The following ZFP69 variants were observed in gnomAD, a reference collection of about 807,000 sequenced individuals.
The protein encoded by ZFP69 is ZFP69 zinc finger protein, also known as zinc finger protein 69 homolog.
Under a neutral mutation model 48.9 loss-of-function variants are expected in ZFP69, and 35 were observed. The observed-to-expected ratio is 0.72, with a 90% CI of 0.55 to 0.95. The LOEUF (loss-of-function observed/expected upper bound fraction) is 0.95. ZFP69 is among the 40% of genes least tolerant of loss of function. The pLI, the probability that ZFP69 is intolerant of heterozygous loss-of-function variation, is 0.00. For synonymous variants in ZFP69, 193 were observed against 216.8 expected, an observed-to-expected ratio of 0.89 and a Z score of 0.96; for missense variants, 557 against 638.4, an observed-to-expected ratio of 0.87 and a Z score of 1.37.
chr1:40,479,300 C>T lies in ZFP69; in HGVS notation c.-62C>T. The T allele has an allele frequency of 1.2e-6, 2 of 1,606,786 alleles. No homozygotes were observed. Among genetic ancestry groups the T allele is most frequent in the South Asian group, 2.2e-5 (2 of 90,800 alleles). On this transcript the variant is annotated 5_prime_UTR_variant, in exon 2 of 6. Transcript: ENST00000372706. The stretch of plus-strand genomic sequence containing the variant: ...GCAACACCCCACAACTGTGAAGCGT[C>T]TCATCAAGAGCTTCTGGCAATTTCC...
At chr1:40,480,047 C>T (rs141291401) in intron 2 of ZFP69, among the ~76,000 whole-genome samples, 62 of 152,244 alleles carry the variant, frequency 4.1e-4, no homozygotes, top group African/African-American at 1.3e-3. Flanking sequence ...TGTTTTAATT[C>T]ATACCTTTAA....
At chr1:40,478,711 T>C (rs1645414154) in intron 1 of ZFP69, among the ~76,000 whole-genome samples, 1 of 152,190 alleles carries the variant, frequency 6.6e-6, no homozygotes, top group Admixed American at 6.5e-5. Flanking sequence ...AATACAATTA[T>C]TATCTCCATT....
chr1:40,494,718 A>G (rs1393844062), intron 5 of ZFP69, among the ~76,000 whole-genome samples: 1 of 133,104 alleles, frequency 7.5e-6, no homozygotes, highest in Non-Finnish European at 1.6e-5. Flanking sequence ...ATATAAATAT[A>G]TATCAAATAT....
At position 40,495,028 on chromosome 1, in the gene ZFP69, A is replaced by G; in HGVS notation, c.550A>G (p.Ile184Val). Residue 184 changes from isoleucine (I) to valine (V), a missense_variant, in exon 6 of 6, where the codon ATT (isoleucine) becomes GTT (valine). Coordinates refer to ENST00000372706, the MANE Select transcript of ZFP69 (RefSeq NM_001320179.2). Reference sequence around the variant, plus strand: ...GGAAAGTTTCATGAGGGATGATATAATTTATTCCACGTTGAGAAAAGTCTC... The same window carrying G: ...GGAAAGTTTCATGAGGGATGATATAGTTTATTCCACGTTGAGAAAAGTCTC... ...MMESFMRDDI[I>V]YSTLRKVSTY... 1.2e-6 allele frequency: 2 copies of G among 1,614,064 alleles called. No individual in the cohort carries two copies. The highest frequency in any genetic ancestry group is 1.7e-6 in the Non-Finnish European group (2 of 1,180,006).
chr1:40,479,933 C>T (rs1021469422), intron 2 of ZFP69, among the ~76,000 whole-genome samples: 1 of 152,172 alleles, frequency 6.6e-6, no homozygotes. Context: ...AGATTACTCT[C>T]ATGTTACCTT....
intron 2 of ZFP69, 113 bp from the exon 3 acceptor site, chr1:40,481,650 C>T: frequency 2.7e-6 from 2 of 745,118 alleles, no homozygotes; most frequent in Non-Finnish European, 4.4e-6. Flanking sequence ...CTCTCAGTGT[C>T]CCTCTTTGTG....
chr1:40,495,823 A>G lies in ZFP69; in HGVS notation c.1345A>G (p.Arg449Gly). Reference protein sequence around the residue: ...YKCKECGKAFRQRIHLSNHKT... With the variant: ...YKCKECGKAFGQRIHLSNHKT... Reference sequence around the variant, plus strand: ...ATGTAAAGAATGTGGAAAAGCCTTTAGGCAGAGGATACACCTTAGCAACCA... The same window carrying G: ...ATGTAAAGAATGTGGAAAAGCCTTTGGGCAGAGGATACACCTTAGCAACCA... The change falls in exon 6 of 6, where the codon AGG becomes GGG. Residue 449 changes from arginine (R) to glycine (G), a missense_variant. Transcript: ENST00000372706. 6.2e-7 allele frequency: 1 copy of G among 1,614,254 alleles called. No homozygotes were observed. Among genetic ancestry groups the G allele is most frequent in the Non-Finnish European group, 8.5e-7 (1 of 1,180,042 alleles).
chr1:40,482,666 A>C (rs1645454076), intron 3 of ZFP69, among the ~76,000 whole-genome samples: 1 of 152,214 alleles, frequency 6.6e-6, no homozygotes, highest in South Asian at 2.1e-4. Flanking sequence ...AGATGAAAAA[A>C]GCTATACCGT....
chr1:40,483,216 AC>A (rs928853774), intron 3 of ZFP69, among the ~76,000 whole-genome samples: 14 of 123,744 alleles, frequency 1.1e-4, no homozygotes, highest in Admixed American at 8.8e-4. Context: ...CAAACCATAC[AC>A]CTTTTTTAAT....
At chr1:40,494,076 A>C (rs1645596428) in intron 5 of ZFP69, among the ~76,000 whole-genome samples, 1 of 152,026 alleles carries the variant, frequency 6.6e-6, no homozygotes, top group Non-Finnish European at 1.5e-5. Flanking sequence ...CTTAGTTCAA[A>C]CTGTATTTTC....
Position 40,495,326 on chromosome 1 carries a change from C to G in ZFP69, c.848C>G (p.Pro283Arg), listed in dbSNP as rs780790718. The G allele has an allele frequency of 6.2e-7, 1 of 1,613,972 alleles. No individual in the cohort carries two copies. Among genetic ancestry groups the G allele is most frequent in the African/African-American group, 1.3e-5 (1 of 74,896 alleles). The change falls in exon 6 of 6, where the codon CCT becomes CGT. Residue 283 changes from proline to arginine, a missense_variant. Pro to Arg is a moderately radical substitution (Grantham distance 103, BLOSUM62 -2). Coordinates refer to ENST00000372706, the MANE Select transcript of ZFP69 (RefSeq NM_001320179.2). ...CNICEKIFKQPIHLTEHMRIH... is the reference protein window; with the variant it reads ...CNICEKIFKQRIHLTEHMRIH... ...ATATGTGAAAAAATCTTCAAACAAC[C>G]TATTCACCTTACTGAACATATGAGA...
chr1:40,480,823 G>A (rs1208510943), intron 2 of ZFP69, among the ~76,000 whole-genome samples: 8 of 152,170 alleles, frequency 5.3e-5, no homozygotes, highest in Non-Finnish European at 1.0e-4. Context: ...ATCATAATGT[G>A]TGCAAATTTA....
rs746153506 is a variant in ZFP69, at chr1:40,495,083, A to G, written c.605A>G (p.Gln202Arg). 1 of 1,614,130 alleles carries G rather than the reference A, an allele frequency of 6.2e-7. No individual in the cohort carries two copies. Among genetic ancestry groups the G allele is most frequent in the South Asian group, 1.1e-5 (1 of 91,082 alleles). ...STYDDVLERHQETCMRDVRQA... is the reference protein window; with the variant it reads ...STYDDVLERHRETCMRDVRQA... ...TATGATGATGTCTTAGAAAGGCACC[A>G]GGAAACTTGTATGAGAGATGTGAGA... The change falls in exon 6 of 6, where the codon CAG becomes CGG. Residue 202 changes from glutamine to arginine, a missense_variant. Physicochemically the swap from Gln to Arg is conservative, Grantham distance 43 (BLOSUM62 1). Coordinates refer to ENST00000372706, the MANE Select transcript of ZFP69 (RefSeq NM_001320179.2).
chr1:40,481,917 G>A, intron 3 of ZFP69, 63 bp downstream of exon 3: 3 of 1,325,564 alleles, frequency 2.3e-6, no homozygotes, highest in Non-Finnish European at 3.2e-6. Context: ...TATATAACCT[G>A]TCTTTTTTGC....
intron 3 of ZFP69, among the ~76,000 whole-genome samples, chr1:40,482,369 G>A (rs539867566): frequency 3.9e-5 from 6 of 152,210 alleles, no homozygotes; most frequent in Non-Finnish European, 8.8e-5. Context: ...AGACGGGCTG[G>A]CCAGAAAAGC....
intron 3 of ZFP69, among the ~76,000 whole-genome samples, chr1:40,488,170 TACAC>T (rs35093961): frequency 1.2e-4 from 17 of 147,546 alleles, no homozygotes; most frequent in African/African-American, 2.0e-4. Flanking sequence ...TTTGTATGTA[TACAC>T]ACACACACAC....
chr1:40,487,364 G>A (rs541770104), intron 3 of ZFP69, among the ~76,000 whole-genome samples: 123 of 151,910 alleles, frequency 8.1e-4, no homozygotes, highest in Non-Finnish European at 1.7e-3. Flanking sequence ...TAGCCTAGGA[G>A]TATCAAAAAA....
intron 3 of ZFP69, among the ~76,000 whole-genome samples, chr1:40,483,906 G>A (rs1200821313): frequency 1.3e-5 from 2 of 151,966 alleles, no homozygotes; most frequent in Non-Finnish European, 2.9e-5. Context: ...GAGAAACCCC[G>A]TCTCTACTAC....
chr1:40,488,877 T>C (rs1172505295), intron 3 of ZFP69, among the ~76,000 whole-genome samples: 1 of 152,186 alleles, frequency 6.6e-6, no homozygotes, highest in Non-Finnish European at 1.5e-5. Flanking sequence ...ACATTATTTA[T>C]AGTAATCTCC....
Sources: allele counts gnomAD v4.1 joint callset (sites outside exome capture counted in the v4.1 genomes callset), GRCh38; gene constraint gnomAD v4.1.1; transcripts MANE v1.5; gene names NCBI Gene and HGNC (gene_info 2026-07-23, HGNC 2026-07-21).